MPP7: variants seen among roughly 807,000 people sequenced by gnomAD.
MPP7 encodes MAGUK p55 subfamily member 7.
A neutral mutation model predicts 76.5 loss-of-function variants in MPP7; 60 were observed. The ratio of observed to expected loss-of-function variants is 0.78; its 90% CI spans 0.64 to 0.97. The LOEUF (loss-of-function observed/expected upper bound fraction) is 0.97, where lower values mean the gene tolerates loss of function less well. Among genes scored for constraint, MPP7 ranks in the 50% least tolerant of loss-of-function variants. MPP7 has a pLI of 0.00. For missense variants in MPP7, 641 were observed against 694.0 expected, an observed-to-expected ratio of 0.92 and a Z score of 0.86; for synonymous variants, 237 against 244.5, an observed-to-expected ratio of 0.97 and a Z score of 0.29.
At chr10:28,198,987 AAG>A (rs1250957469) in intron 3 of MPP7, among the ~76,000 whole-genome samples, 3 of 152,134 alleles carry the variant, frequency 2.0e-5, no homozygotes, top group East Asian at 1.9e-4. Flanking sequence ...TATAAAGAAA[AAG>A]AGATTTAATG....
chr10:28,252,169 G>C (rs1019132101), intron 1 of MPP7, among the ~76,000 whole-genome samples: 4 of 152,286 alleles, frequency 2.6e-5, no homozygotes, highest in African/African-American at 9.6e-5. Flanking sequence ...GATTAGCAAA[G>C]TACTATGTCA....
intron 12 of MPP7, among the ~76,000 whole-genome samples, chr10:28,073,939 A>C (rs1327335965): frequency 2.0e-5 from 3 of 152,034 alleles, no homozygotes; most frequent in Non-Finnish European, 4.4e-5. Flanking sequence ...CCCTGATCCT[A>C]GAGGATCAGG....
intron 1 of MPP7, among the ~76,000 whole-genome samples, chr10:28,264,811 G>A (rs577700036): frequency 4.6e-5 from 7 of 152,102 alleles, no homozygotes; most frequent in Admixed American, 1.3e-4. Context: ...TTATGGTGGC[G>A]GTGGGTAAAA....
intron 2 of MPP7, among the ~76,000 whole-genome samples, chr10:28,230,620 C>T (rs1048078711): frequency 4.6e-5 from 7 of 152,058 alleles, no homozygotes; most frequent in African/African-American, 1.7e-4. Context: ...TCAAGACCAG[C>T]CTGGCCAACA....
chr10:28,211,827 G>C (rs1376351734), intron 2 of MPP7, among the ~76,000 whole-genome samples: 1 of 152,062 alleles, frequency 6.6e-6, no homozygotes, highest in Non-Finnish European at 1.5e-5. Context: ...TATAAGGAAG[G>C]ATATGGGAGC....
chr10:28,098,841 GAATAT>G (rs1281685891), intron 11 of MPP7, among the ~76,000 whole-genome samples: 1 of 151,582 alleles, frequency 6.6e-6, no homozygotes, highest in Non-Finnish European at 1.5e-5. Flanking sequence ...TAAAAAATAA[GAATAT>G]AATATAAGAA....
chr10:28,312,484 C>A (rs1841295552), intron 2 of MPP7, among the ~76,000 whole-genome samples: 1 of 152,146 alleles, frequency 6.6e-6, no homozygotes, highest in African/African-American at 2.4e-5. Context: ...CCAAGTTGAT[C>A]CAGGAAGTCC....
At chr10:28,264,133 C>A (rs1840072293) in intron 1 of MPP7, among the ~76,000 whole-genome samples, 2 of 151,984 alleles carry the variant, frequency 1.3e-5, no homozygotes, top group South Asian at 4.2e-4. Flanking sequence ...CCTGTCTCTA[C>A]AAAAAAATTT....
intron 1 of MPP7, among the ~76,000 whole-genome samples, chr10:28,266,413 G>A (rs557731583): frequency 1.3e-5 from 2 of 152,214 alleles, no homozygotes; most frequent in East Asian, 1.9e-4. Context: ...CAACTTCTGC[G>A]CTTCAGGTCC....
intron 1 of MPP7, among the ~76,000 whole-genome samples, chr10:28,253,202 G>A (rs1055343666): frequency 4.6e-5 from 7 of 151,978 alleles, no homozygotes; most frequent in African/African-American, 1.5e-4. Flanking sequence ...CACGATACCC[G>A]GCCTCATCTG....
At chr10:28,168,709 G>A (rs1183869870) in intron 3 of MPP7, among the ~76,000 whole-genome samples, 1 of 151,944 alleles carries the variant, frequency 6.6e-6, no homozygotes, top group Non-Finnish European at 1.5e-5. Flanking sequence ...TAGTAAACAC[G>A]GGGTTTCACC....
At chr10:28,217,101 G>A (rs1417161070) in intron 2 of MPP7, among the ~76,000 whole-genome samples, 1 of 152,104 alleles carries the variant, frequency 6.6e-6, no homozygotes, top group African/African-American at 2.4e-5. Context: ...TATAGTTTCA[G>A]TGCTTTAAAG....
At chr10:28,170,856 T>C (rs1836656854) in intron 3 of MPP7, among the ~76,000 whole-genome samples, 1 of 152,176 alleles carries the variant, frequency 6.6e-6, no homozygotes, top group African/African-American at 2.4e-5. Context: ...ATGTCTTCAT[T>C]CATTTCTTCC....
intron 11 of MPP7, among the ~76,000 whole-genome samples, chr10:28,105,376 C>T (rs552840796): frequency 1.3e-5 from 2 of 152,164 alleles, no homozygotes; most frequent in East Asian, 3.9e-4. Flanking sequence ...GCACAAGCAC[C>T]AGTACAACTG....
intron 2 of MPP7, among the ~76,000 whole-genome samples, chr10:28,232,372 C>CACAA (rs112226901): frequency 0.034 from 5,086 of 151,776 alleles, 157 homozygotes; most frequent in African/African-American, 0.074. Context: ...CACACACACA[C>CACAA]ACACACACAC....
At chr10:28,153,287 T>C (rs901197552) in intron 3 of MPP7, among the ~76,000 whole-genome samples, 1 of 151,982 alleles carries the variant, frequency 6.6e-6, no homozygotes, top group African/African-American at 2.4e-5. Context: ...ATACTTCATT[T>C]TTCTCCCCTG....
intron 1 of MPP7, among the ~76,000 whole-genome samples, chr10:28,277,069 C>T (rs1840524492): frequency 6.6e-6 from 1 of 151,920 alleles, no homozygotes; most frequent in Admixed American, 6.6e-5. Flanking sequence ...TGACACACGT[C>T]TGTGCTCCCA....
chr10:28,217,641 A>C (rs748162488), intron 2 of MPP7, among the ~76,000 whole-genome samples: 4 of 152,134 alleles, frequency 2.6e-5, no homozygotes, highest in Non-Finnish European at 5.9e-5. Context: ...ACCATTTCAC[A>C]AAACCCACCT....
chr10:28,118,322 T>C, intron 11 of MPP7: 2 of 978,544 alleles, frequency 2.0e-6, no homozygotes, highest in South Asian at 9.5e-5. Context: ...AAATTTTCAA[T>C]CAATGAAAAT....
Sources: gnomAD v4.1 joint callset for allele counts (sites outside exome capture counted in the v4.1 genomes callset) on GRCh38, gnomAD v4.1.1 for gene constraint, MANE v1.5 for transcripts, NCBI Gene and HGNC (gene_info 2026-07-23, HGNC 2026-07-21) for gene names.